Variants in PHF20L1 observed in about 807,000 individuals in gnomAD.
PHF20L1 encodes PHD finger protein 20 like 1.
A neutral mutation model predicts 125.5 loss-of-function variants in PHF20L1; 44 were observed. That is an observed-to-expected ratio of 0.35 (90% confidence interval 0.28 to 0.45). PHF20L1 has a LOEUF of 0.45. Ranked by LOEUF, PHF20L1 falls within the 20% of genes least tolerant of loss-of-function variation. The pLI is 1.00. For synonymous variants in PHF20L1, 380 were observed against 403.1 expected (o/e 0.94, Z 0.69); for missense variants, 1,012 against 1,217.2 (o/e 0.83, Z 2.51).
At chr8:132,823,854 C>A in intron 12 of PHF20L1, 150 bp from the exon 13 acceptor site, 1 of 517,336 alleles carries the variant, frequency 1.9e-6, no homozygotes, top group South Asian at 3.0e-5. Flanking sequence ...AATCTCACCG[C>A]TTTGTTACCA....
intron 13 of PHF20L1, 77 bp downstream of exon 13, chr8:132,824,137 CTT>C: frequency 2.3e-6 from 2 of 873,520 alleles, no homozygotes; most frequent in Non-Finnish European, 3.7e-6. Flanking sequence ...GCCCCTTACT[CTT>C]TACCAGTTAA....
chr8:132,822,095 T>A (rs1346025113), intron 12 of PHF20L1, among the ~76,000 whole-genome samples: 1 of 151,968 alleles, frequency 6.6e-6, no homozygotes, highest in Non-Finnish European at 1.5e-5. Flanking sequence ...GAGTAAAACA[T>A]TGACAACCCT....
At chr8:132,823,159 T>C (rs756030489) in intron 12 of PHF20L1, among the ~76,000 whole-genome samples, 42 of 152,132 alleles carry the variant, frequency 2.8e-4, no homozygotes, top group Non-Finnish European at 5.4e-4. Context: ...TATGTCTTTG[T>C]ATTTTACATT....
intron 12 of PHF20L1, among the ~76,000 whole-genome samples, chr8:132,821,952 C>T (rs776898492): frequency 2.0e-5 from 3 of 151,812 alleles, no homozygotes; most frequent in Admixed American, 6.6e-5. Context: ...AGGACGAGAT[C>T]GTGAACTTCT....
chr8:132,818,150 C>T (rs1217108110), intron 12 of PHF20L1: 1 of 151,888 alleles, frequency 6.6e-6, no homozygotes, highest in Non-Finnish European at 1.5e-5. Context: ...TATTTTAAAT[C>T]TAATAATATC....
rs144060538 is a variant in PHF20L1 at position 132,796,638 on chromosome 8, G to T, written c.340+1821G>T. Among the ~76,000 whole-genome samples the T allele has an allele frequency of 3.9e-3, 593 of 152,204 alleles. 7 individuals carry two copies. The highest frequency in any genetic ancestry group is 0.013 in the African/African-American group (556 of 41,532). On this transcript the variant is annotated intron_variant, in intron 4 of 20. Transcript: ENST00000395386. ...GAAAGAGTTGAGAGACATCTCAGTTGTTAGGTGTGCAGGCTGTTTCTTCTT... is the reference window on the plus strand; with the variant it reads ...GAAAGAGTTGAGAGACATCTCAGTTTTTAGGTGTGCAGGCTGTTTCTTCTT...
In PHF20L1 at chr8:132,847,713, C is replaced by G. The variant is rs1482734912; in HGVS notation, c.*1790C>G. 6.6e-6 allele frequency: 1 copy of G among 152,514 alleles called. No individual in the cohort carries two copies. The highest frequency in any genetic ancestry group is 6.6e-5 in the Admixed American group (1 of 15,262). 9.4% of individuals were successfully genotyped at this position (152,514 alleles called of 1,614,324 possible). On this transcript the variant is annotated 3_prime_UTR_variant, in exon 21 of 21. Transcript: ENST00000395386. ...ACTTGACAAATGTGCCAAAGATCAACAGACAGAAAATATCATCCTGTGTAT... is the reference window on the plus strand; with the variant it reads ...ACTTGACAAATGTGCCAAAGATCAAGAGACAGAAAATATCATCCTGTGTAT...
chr8:132,838,507 G>C (rs1837609828), intron 17 of PHF20L1: 2 of 152,184 alleles, frequency 1.3e-5, no homozygotes, highest in Non-Finnish European at 2.9e-5. Flanking sequence ...TTCTATGCTA[G>C]AGGATCTTCA....
rs1191710379 is a variant in PHF20L1 at position 132,782,407 on chromosome 8, A to G, written c.83+4496A>G. ...TGCTTTAAGTTCTACAGATGGGTAC[A>G]TAATCATAAAGCATTGAGGTAAATG... On this transcript the variant is annotated intron_variant, in intron 2 of 20. Coordinates refer to ENST00000395386, the MANE Select transcript of PHF20L1 (RefSeq NM_016018.5). 2.0e-5 allele frequency among the ~76,000 whole-genome samples: 3 copies of G among 152,332 alleles called. No individual in the cohort carries two copies. The East Asian group carries it at 5.8e-4, about 29-fold the overall frequency.
At chr8:132,812,232 A>G in intron 9 of PHF20L1, 2 of 981,092 alleles carry the variant, frequency 2.0e-6, no homozygotes, top group African/African-American at 3.5e-5. Flanking sequence ...ATATAACAAT[A>G]TTTTGTATTT....
intron 2 of PHF20L1, among the ~76,000 whole-genome samples, chr8:132,791,501 C>T (rs1328276690): frequency 3.3e-5 from 5 of 152,104 alleles, no homozygotes; most frequent in African/African-American, 1.2e-4. Context: ...GATCCACCCA[C>T]CTCGGCCTCC....
intron 14 of PHF20L1, among the ~76,000 whole-genome samples, chr8:132,829,382 A>G (rs1836526035): frequency 6.6e-6 from 1 of 152,112 alleles, no homozygotes; most frequent in Non-Finnish European, 1.5e-5. Context: ...TTCTAAAATA[A>G]ATGGTAATTG....
In PHF20L1 at chr8:132,816,950, C is replaced by T; in HGVS notation, c.1246C>T (p.Gln416Ter). Residue 416 changes from glutamine (Q) to a stop codon, truncating the protein, a stop_gained, in exon 11 of 21, where the codon CAG becomes TAG. Coordinates refer to ENST00000395386, the MANE Select transcript of PHF20L1 (RefSeq NM_016018.5). LOFTEE classifies it high-confidence loss of function. ...GCATAGTGAGCGGAGAAGAAGATCT[C>T]AGCGTTTAGCCACCTTACCCATGCC... ...FKHSERRRRS[Q>*]RLATLPMPDD... 1 of 1,612,350 alleles carries T rather than the reference C, an allele frequency of 6.2e-7. No homozygotes were observed. Among genetic ancestry groups the T allele is most frequent in the Non-Finnish European group, 8.5e-7 (1 of 1,178,858 alleles).
intron 18 of PHF20L1, 75 bp downstream of exon 18, chr8:132,839,657 G>T: frequency 9.9e-7 from 1 of 1,005,922 alleles, no homozygotes; most frequent in South Asian, 1.4e-5. Flanking sequence ...TTGGCCTTTT[G>T]ATGGTCCAGA....
chr8:132,828,622 A>G (rs534664413), intron 14 of PHF20L1, among the ~76,000 whole-genome samples: 1 of 152,166 alleles, frequency 6.6e-6, no homozygotes, highest in Non-Finnish European at 1.5e-5. Flanking sequence ...GTAGGTTAAG[A>G]TATGTTTTGA....
chr8:132,807,763 T>C (rs1417374488), intron 8 of PHF20L1: 1 of 455,886 alleles, frequency 2.2e-6, no homozygotes, highest in Non-Finnish European at 4.4e-6. Flanking sequence ...TATAGAATAC[T>C]GGAAGGTTGT....
intron 1 of PHF20L1, among the ~76,000 whole-genome samples, chr8:132,777,484 A>T (rs1038394818): frequency 6.6e-6 from 1 of 152,232 alleles, no homozygotes; most frequent in South Asian, 2.1e-4. Flanking sequence ...TTTCTTGGGT[A>T]TCTGGAAGCT....
chr8:132,834,692 T>A (rs1837149144), intron 15 of PHF20L1, among the ~76,000 whole-genome samples: 1 of 152,056 alleles, frequency 6.6e-6, no homozygotes, highest in Non-Finnish European at 1.5e-5. Flanking sequence ...CACATTCCAA[T>A]GAACTTGAGA....
chr8:132,799,181 C>G lies in PHF20L1; in HGVS notation c.507+9C>G, dbSNP rs199957172. The G allele has an allele frequency of 3.8e-6, 6 of 1,570,470 alleles. No homozygotes were observed. In the Admixed American group the frequency reaches 6.9e-5, roughly 18 times the overall value. On this transcript the variant is annotated intron_variant, in intron 6 of 20. Coordinates refer to ENST00000395386, the MANE Select transcript of PHF20L1 (RefSeq NM_016018.5). ...AGTCTATGGGAAGTGAGGTAAGAGCCTTTTTTTTAAAAATTTTGTTTTGTT... is the reference window on the plus strand; with the variant it reads ...AGTCTATGGGAAGTGAGGTAAGAGCGTTTTTTTTAAAAATTTTGTTTTGTT...
Sources: allele counts gnomAD v4.1 joint callset (sites outside exome capture counted in the v4.1 genomes callset), GRCh38; gene constraint gnomAD v4.1.1; transcripts MANE v1.5; gene names NCBI Gene and HGNC (gene_info 2026-07-23, HGNC 2026-07-21).